The following AGBL3 variants were observed in gnomAD, a reference collection of about 807,000 sequenced individuals.
The protein encoded by AGBL3 is cytosolic carboxypeptidase 3.
A neutral mutation model predicts 94.5 loss-of-function variants in AGBL3; 68 were observed. The ratio of observed to expected loss-of-function variants is 0.72; its 90% CI spans 0.59 to 0.88. The LOEUF is 0.88. AGBL3 is among the 40% of genes least tolerant of loss of function. The pLI, the probability that AGBL3 is intolerant of heterozygous loss-of-function variation, is 0.00. For missense variants in AGBL3, 934 were observed against 1,103.8 expected (o/e 0.85, Z 2.18); for synonymous variants, 354 against 370.7 (o/e 0.95, Z 0.52).
intron 12 of AGBL3, among the ~76,000 whole-genome samples, chr7:135,071,634 C>G (rs922340560): frequency 6.6e-6 from 1 of 152,150 alleles, no homozygotes; most frequent in African/African-American, 2.4e-5. Context: ...TGATCTTTGA[C>G]AAACCTGACA....
chr7:135,009,615 G>C (rs1256804587), intron 4 of AGBL3, among the ~76,000 whole-genome samples: 2 of 152,088 alleles, frequency 1.3e-5, no homozygotes, highest in African/African-American at 4.8e-5. Context: ...GGTGGAGTTT[G>C]GCAGAGGCTG....
chr7:135,128,773 G>A lies in AGBL3; in HGVS notation c.2343-6068G>A. ...CTCTCCCAACACAGAGCTAGATTTT[G>A]GAGGAACTTCTGGATCTGATACAGA... On this transcript the variant is annotated intron_variant, in intron 16 of 16. Coordinates refer to ENST00000436302, the MANE Select transcript of AGBL3 (RefSeq NM_178563.4). 3.1e-6 allele frequency: 4 copies of A among 1,306,696 alleles called. No homozygotes were observed. The South Asian group carries it at 3.8e-5, about 12-fold the overall frequency. 80.9% of individuals were successfully genotyped at this position (1,306,696 alleles called of 1,614,324 possible).
chr7:135,109,697 AT>A (rs1477360628), intron 15 of AGBL3, among the ~76,000 whole-genome samples: 2 of 152,110 alleles, frequency 1.3e-5, no homozygotes, highest in Non-Finnish European at 2.9e-5. Context: ...TGGTCAGGAA[AT>A]TCCTCCCAGT....
At chr7:135,096,785 AAGAAAG>A (rs1229205676) in intron 15 of AGBL3, among the ~76,000 whole-genome samples, 1 of 150,680 alleles carries the variant, frequency 6.6e-6, no homozygotes, top group Non-Finnish European at 1.5e-5. Flanking sequence ...GAAAGAAAGA[AAGAAAG>A]AAAAAGGGAA....
At chr7:135,124,050 C>A (rs1411332502) in intron 16 of AGBL3, among the ~76,000 whole-genome samples, 1 of 152,084 alleles carries the variant, frequency 6.6e-6, no homozygotes, top group Non-Finnish European at 1.5e-5. Context: ...ACAATACTAA[C>A]CTTAAATGTA....
At chr7:135,001,680 T>C (rs1331445409) in intron 4 of AGBL3, among the ~76,000 whole-genome samples, 1 of 152,172 alleles carries the variant, frequency 6.6e-6, no homozygotes, top group Non-Finnish European at 1.5e-5. Context: ...TCATGACTCA[T>C]GTTATTTTAG....
chr7:134,989,939 A>G (rs577963346), intron 3 of AGBL3, among the ~76,000 whole-genome samples: 19 of 152,222 alleles, frequency 1.2e-4, no homozygotes, highest in African/African-American at 4.3e-4. Context: ...GCATATACAC[A>G]TATCTATACC....
intron 4 of AGBL3, among the ~76,000 whole-genome samples, chr7:134,998,288 C>A (rs1167979017): frequency 6.6e-6 from 1 of 152,170 alleles, no homozygotes; most frequent in Non-Finnish European, 1.5e-5. Flanking sequence ...TCCATTCAAC[C>A]TTTTCAGCTT....
At chr7:135,019,102 C>T (rs1283893855) in intron 5 of AGBL3, among the ~76,000 whole-genome samples, 1 of 152,212 alleles carries the variant, frequency 6.6e-6, no homozygotes, top group Admixed American at 6.5e-5. Flanking sequence ...AGTAAGTACA[C>T]TGTTATGTCT....
chr7:135,119,420 G>A (rs1390150040), intron 16 of AGBL3, among the ~76,000 whole-genome samples: 1 of 151,560 alleles, frequency 6.6e-6, no homozygotes, highest in African/African-American at 2.4e-5. Flanking sequence ...TAGTAGAGAC[G>A]AGGTTTTGCT....
At chr7:135,082,375 C>A (rs1379997685) in intron 15 of AGBL3, among the ~76,000 whole-genome samples, 1 of 152,004 alleles carries the variant, frequency 6.6e-6, no homozygotes, top group Non-Finnish European at 1.5e-5. Flanking sequence ...TGAAATTTTC[C>A]GTTTCTTTCA....
At chr7:135,002,730 A>T (rs2133417947) in intron 4 of AGBL3, among the ~76,000 whole-genome samples, 1 of 152,124 alleles carries the variant, frequency 6.6e-6, no homozygotes, top group East Asian at 1.9e-4. Context: ...GAGAGTACCT[A>T]TTTTCCCATA....
intron 6 of AGBL3, 111 bp from the exon 7 acceptor site, chr7:135,034,037 AG>A: frequency 1.0e-6 from 1 of 981,300 alleles, no homozygotes; most frequent in Non-Finnish European, 1.4e-6. Flanking sequence ...TCTGTGAATG[AG>A]TAAAAATAAA....
At chr7:135,118,581 T>A (rs929001269) in intron 16 of AGBL3, among the ~76,000 whole-genome samples, 22 of 152,122 alleles carry the variant, frequency 1.4e-4, no homozygotes, top group African/African-American at 5.1e-4. Flanking sequence ...AGATCCAGAG[T>A]CTCATAACAT....
chr7:135,119,585 G>A (rs775212127), intron 16 of AGBL3, among the ~76,000 whole-genome samples: 2 of 151,578 alleles, frequency 1.3e-5, no homozygotes, highest in Non-Finnish European at 2.9e-5. Flanking sequence ...ACTATCGAAA[G>A]GAGTCAGAGA....
At chr7:135,131,406 C>G (rs1161120430) in intron 16 of AGBL3, among the ~76,000 whole-genome samples, 1 of 151,028 alleles carries the variant, frequency 6.6e-6, no homozygotes, top group African/African-American at 2.4e-5. Context: ...CAAACCTGCA[C>G]GTTCTGCACA....
intron 5 of AGBL3, among the ~76,000 whole-genome samples, chr7:135,032,545 C>T (rs1325004838): frequency 2.0e-5 from 3 of 150,802 alleles, no homozygotes; most frequent in African/African-American, 4.9e-5. Flanking sequence ...TCGAACTCCT[C>T]GAGCTCGGGC....
chr7:135,060,000 T>C (rs1045411518), intron 12 of AGBL3, among the ~76,000 whole-genome samples: 4 of 152,228 alleles, frequency 2.6e-5, no homozygotes, highest in African/African-American at 9.6e-5. Context: ...AGGCTACAGG[T>C]TGAGTTCAGT....
At chr7:135,102,695 A>T (rs1209460740) in intron 15 of AGBL3, among the ~76,000 whole-genome samples, 2 of 151,332 alleles carry the variant, frequency 1.3e-5, no homozygotes, top group Admixed American at 6.6e-5. Context: ...TCATAAAATG[A>T]TCATCTATTT....
Sources: gnomAD v4.1 joint callset for allele counts (sites outside exome capture counted in the v4.1 genomes callset) on GRCh38, gnomAD v4.1.1 for gene constraint, MANE v1.5 for transcripts, NCBI Gene and HGNC (gene_info 2026-07-23, HGNC 2026-07-21) for gene names.